SLC24A2: variants seen among roughly 807,000 people sequenced by gnomAD.
SLC24A2 encodes sodium/potassium/calcium exchanger 2.
In SLC24A2, 36 loss-of-function variants were observed where a neutral mutation model predicts 62.0. That is an observed-to-expected ratio of 0.58 (90% CI 0.44 to 0.77). SLC24A2 has a LOEUF of 0.77. Among genes scored for constraint, SLC24A2 ranks in the 30% least tolerant of loss-of-function variants. SLC24A2 has a pLI of 0.00. For missense variants in SLC24A2, 846 were observed against 817.9 expected, an observed-to-expected ratio of 1.03 and a Z score of -0.42; for synonymous variants, 358 against 294.0, an observed-to-expected ratio of 1.22 and a Z score of -2.23.
rs2132906369 is a variant in SLC24A2 at position 19,599,519 on chromosome 9, T to C, written c.1079-2240A>G. Reference sequence around the variant, plus strand: ...ATGTTTACAGTTTACTGAAGAAAAGTCAGAAAAGAATGGAGATGGAAACCA... The same window carrying C: ...ATGTTTACAGTTTACTGAAGAAAAGCCAGAAAAGAATGGAGATGGAAACCA... On this transcript the variant is annotated intron_variant, in intron 4 of 10. Transcript: ENST00000341998. The surrounding 1 kb of genome is among the most constrained non-coding windows in gnomAD (Gnocchi z 4.5). Among the ~76,000 whole-genome samples the C allele has an allele frequency of 6.6e-6, 1 of 152,022 alleles. No individual in the cohort carries two copies. The highest frequency in any genetic ancestry group is 2.1e-4 in the South Asian group (1 of 4,810).
the SLC24A2 span, among the ~76,000 whole-genome samples, chr9:20,098,995 C>T: frequency 2.0e-5 from 3 of 152,160 alleles, no homozygotes; most frequent in African/African-American, 7.2e-5. Context: ...GGAATAAAAG[C>T]TTTAAAACAC....
At chr9:20,291,294 T>A in the SLC24A2 span, among the ~76,000 whole-genome samples, 1,116 of 152,176 alleles carry the variant, frequency 7.3e-3, 15 homozygotes, top group African/African-American at 0.026. Context: ...AACATGCTTC[T>A]GGTTGGGGAA....
intron 2 of SLC24A2, among the ~76,000 whole-genome samples, chr9:19,657,626 T>C (rs897002738): frequency 6.6e-6 from 1 of 152,074 alleles, no homozygotes; most frequent in Admixed American, 6.6e-5. Flanking sequence ...ATCCCTAATC[T>C]CCATAACCCC....
intron 7 of SLC24A2, among the ~76,000 whole-genome samples, chr9:19,563,417 T>C (rs1835499366): frequency 6.6e-6 from 1 of 152,210 alleles, no homozygotes; most frequent in Non-Finnish European, 1.5e-5. Context: ...ACTTTCTCTT[T>C]GGAGGTTCCC....
the SLC24A2 span, among the ~76,000 whole-genome samples, chr9:20,202,628 T>C: frequency 1.3e-5 from 2 of 152,122 alleles, no homozygotes; most frequent in African/African-American, 4.8e-5. Flanking sequence ...GATTGGTGGC[T>C]TAGAGCTCAC....
At chr9:20,122,042 G>A in the SLC24A2 span, among the ~76,000 whole-genome samples, 2 of 152,120 alleles carry the variant, frequency 1.3e-5, no homozygotes, top group Admixed American at 6.6e-5. Flanking sequence ...TTGGACTGAG[G>A]GCATTTCACT....
At chr9:20,201,693 A>G in the SLC24A2 span, among the ~76,000 whole-genome samples, 1 of 152,126 alleles carries the variant, frequency 6.6e-6, no homozygotes, top group Non-Finnish European at 1.5e-5. Flanking sequence ...TTTATTTTTA[A>G]TTAGGGTTTT....
chr9:19,895,526 TTTTCTTTC>T, the SLC24A2 span, among the ~76,000 whole-genome samples: 3 of 136,594 alleles, frequency 2.2e-5, no homozygotes, highest in Middle Eastern at 3.5e-3. Context: ...TCCCCTGCCC[TTTTCTTTC>T]TTTCTTTCTT....
At chr9:19,727,890 G>T (rs1393020451) in intron 2 of SLC24A2, among the ~76,000 whole-genome samples, 1 of 152,104 alleles carries the variant, frequency 6.6e-6, no homozygotes, top group Non-Finnish European at 1.5e-5. Flanking sequence ...GAGGGGAAAG[G>T]GGCTACTTCC....
the SLC24A2 span, among the ~76,000 whole-genome samples, chr9:19,894,834 T>A: frequency 2.6e-5 from 4 of 152,190 alleles, no homozygotes; most frequent in African/African-American, 9.6e-5. Context: ...ATAATACTCT[T>A]TGAGGAATGG....
At chr9:19,517,497 G>T (rs572391616) in intron 10 of SLC24A2, among the ~76,000 whole-genome samples, 1 of 152,180 alleles carries the variant, frequency 6.6e-6, no homozygotes, top group African/African-American at 2.4e-5. Context: ...CTGGAGAGAC[G>T]GCATTGGAAG....
chr9:19,949,072 C>A, the SLC24A2 span, among the ~76,000 whole-genome samples: 1 of 151,930 alleles, frequency 6.6e-6, no homozygotes, highest in Non-Finnish European at 1.5e-5. Flanking sequence ...CAGCTCACTG[C>A]AACCTCTGCC....
At chr9:20,103,745 G>A in the SLC24A2 span, among the ~76,000 whole-genome samples, 1 of 151,834 alleles carries the variant, frequency 6.6e-6, no homozygotes, top group African/African-American at 2.4e-5. Flanking sequence ...CACAAACATG[G>A]GGAAAAAACA....
chr9:19,611,712 T>C lies in SLC24A2; in HGVS notation c.1078+7872A>G, dbSNP rs1274454156. On this transcript the variant is annotated intron_variant, in intron 4 of 10. Transcript: ENST00000341998. ...GGACTCATGGGTCAGCAGACAGCCC[T>C]TCAGAAAGAGGGAAAAGGGGAACTT... is the stretch of plus-strand genomic sequence containing the variant. Among the ~76,000 whole-genome samples, 7 of 152,000 alleles carry C rather than the reference T, an allele frequency of 4.6e-5. No homozygotes were observed. In the South Asian group the frequency reaches 1.5e-3, roughly 32 times the overall value.
chr9:19,636,281 C>CTCTTCTT lies in SLC24A2; in HGVS notation c.931-13983_931-13982insAAGAAGA, dbSNP rs1554690322. 9.0e-4 allele frequency among the ~76,000 whole-genome samples: 67 copies of CTCTTCTT among 74,146 alleles called. 9 individuals carry two copies. Among genetic ancestry groups the CTCTTCTT allele is most frequent in the Non-Finnish European group, 1.7e-3 (59 of 35,606 alleles). 48.6% of individuals were successfully genotyped at this position (74,146 alleles called of 152,430 possible). A position where few individuals can be genotyped will look rare whatever the true frequency, so the allele number is the denominator to read the frequency against. On this transcript the variant is annotated intron_variant, in intron 2 of 10. Coordinates refer to ENST00000341998, the MANE Select transcript of SLC24A2 (RefSeq NM_020344.4). ...TTTTCTTTTCTTCTCTTCTTCTCTT[C>CTCTTCTT]TTCTCTTCTTTTCTTTTCTTTTCTT... is the stretch of plus-strand genomic sequence containing the variant.
chr9:19,694,947 G>A (rs761635537), intron 2 of SLC24A2, among the ~76,000 whole-genome samples: 6 of 151,876 alleles, frequency 4.0e-5, no homozygotes, highest in Non-Finnish European at 7.4e-5. Flanking sequence ...TTTTTCCTCC[G>A]GCAAAGATGG....
the SLC24A2 span, among the ~76,000 whole-genome samples, chr9:20,072,201 G>T: frequency 6.6e-6 from 1 of 152,146 alleles, no homozygotes; most frequent in Admixed American, 6.6e-5. Flanking sequence ...GATTGGACAA[G>T]AAGTGTATGA....
At chr9:19,561,678 C>T (rs2132805174) in intron 7 of SLC24A2, among the ~76,000 whole-genome samples, 1 of 152,248 alleles carries the variant, frequency 6.6e-6, no homozygotes, top group East Asian at 1.9e-4. Context: ...GATCCACCTG[C>T]CTCGGCCTCC....
chr9:20,226,860 G>C, the SLC24A2 span, among the ~76,000 whole-genome samples: 5 of 152,298 alleles, frequency 3.3e-5, no homozygotes, highest in East Asian at 9.6e-4. Context: ...TTTGCAAATA[G>C]AGATACATCC....
Sources: allele counts gnomAD v4.1 joint callset (sites outside exome capture counted in the v4.1 genomes callset), GRCh38; gene constraint gnomAD v4.1.1; non-coding constraint Gnocchi (gnomAD v3.1); transcripts MANE v1.5; gene names NCBI Gene and HGNC (gene_info 2026-07-23, HGNC 2026-07-21).